GRIK2: variants seen among roughly 807,000 people sequenced by gnomAD.
The protein encoded by GRIK2 is glutamate ionotropic receptor kainate type subunit 2.
GRIK2 carries 32 observed loss-of-function variants against 100.3 expected under a neutral mutation model. The observed-to-expected ratio is 0.32, with a 90% CI of 0.24 to 0.43. GRIK2 has a LOEUF of 0.43. GRIK2 is among the 20% of genes least tolerant of loss of function. The probability of loss-of-function intolerance (pLI) is 1.00; values close to 1 mark genes in which losing one functional copy is unlikely to be tolerated. For missense variants in GRIK2, 843 were observed against 1,114.9 expected (o/e 0.76, Z 3.47); for synonymous variants, 417 against 389.4 (o/e 1.07, Z -0.83).
intron 15 of GRIK2, among the ~76,000 whole-genome samples, chr6:102,053,485 T>C (rs778218999): frequency 1.5e-4 from 23 of 152,200 alleles, no homozygotes; most frequent in Non-Finnish European, 2.8e-4. Flanking sequence ...TCAGTTATTA[T>C]GCTCCTCAGA....
In GRIK2 at chr6:101,429,325, G is replaced by T. The variant is rs949890459; in HGVS notation, c.115+29933G>T. ...TAGGACTAGGAGACATGATACCCTT[G>T]TTGCTCGTAATGTTTCATTAACACT... is the stretch of plus-strand genomic sequence containing the variant. On this transcript the variant is annotated intron_variant, in intron 2 of 16. Transcript: ENST00000369134. 3.3e-5 allele frequency among the ~76,000 whole-genome samples: 5 copies of T among 152,266 alleles called. No individual in the cohort carries two copies. The South Asian group carries it at 1.0e-3, about 32-fold the overall frequency.
intron 9 of GRIK2, among the ~76,000 whole-genome samples, chr6:101,803,919 T>G (rs948266728): frequency 6.6e-6 from 1 of 151,930 alleles, no homozygotes; most frequent in Non-Finnish European, 1.5e-5. Context: ...TGTGAGTTGT[T>G]CAGGTTGCTC....
At chr6:101,503,883 G>A (rs1391960186) in intron 2 of GRIK2, among the ~76,000 whole-genome samples, 1 of 152,104 alleles carries the variant, frequency 6.6e-6, no homozygotes. Context: ...GCAGCAGGAG[G>A]TTGTGGGAAG....
intron 2 of GRIK2, among the ~76,000 whole-genome samples, chr6:101,509,755 G>A (rs1774206565): frequency 6.6e-6 from 1 of 152,118 alleles, no homozygotes; most frequent in African/African-American, 2.4e-5. Context: ...AGCAACACAT[G>A]GATTCCAAAT....
chr6:101,415,446 C>T (rs937249354), intron 2 of GRIK2, among the ~76,000 whole-genome samples: 14 of 147,798 alleles, frequency 9.5e-5, no homozygotes, highest in African/African-American at 2.8e-4. Context: ...TCTCGGCTCA[C>T]TGCAAGCTCT....
At chr6:101,898,356 C>T (rs1214223736) in intron 12 of GRIK2, among the ~76,000 whole-genome samples, 2 of 151,680 alleles carry the variant, frequency 1.3e-5, no homozygotes, top group Non-Finnish European at 2.9e-5. Flanking sequence ...TTAACTTTAC[C>T]TTCTAGTTTT....
At chr6:101,903,194 A>C (rs763015215) in intron 12 of GRIK2, among the ~76,000 whole-genome samples, 5 of 151,852 alleles carry the variant, frequency 3.3e-5, no homozygotes, top group African/African-American at 4.8e-5. Flanking sequence ...TTTTGCTTAG[A>C]TCGCCCTAGC....
intron 10 of GRIK2, among the ~76,000 whole-genome samples, chr6:101,821,827 T>G (rs1302414034): frequency 6.6e-6 from 1 of 152,134 alleles, no homozygotes; most frequent in Admixed American, 6.5e-5. Flanking sequence ...ATGTTATGAT[T>G]ATTTTGCCCT....
chr6:101,570,638 A>G (rs2128298887), intron 2 of GRIK2, among the ~76,000 whole-genome samples: 1 of 152,282 alleles, frequency 6.6e-6, no homozygotes, highest in Admixed American at 6.6e-5. Context: ...GATCATCGAT[A>G]GAACCACTAA....
intron 12 of GRIK2, among the ~76,000 whole-genome samples, chr6:101,909,819 C>T (rs1271950589): frequency 2.7e-5 from 4 of 150,902 alleles, no homozygotes; most frequent in African/African-American, 7.3e-5. Flanking sequence ...TTCTCATTAA[C>T]CAGAATTCAT....
intron 7 of GRIK2, among the ~76,000 whole-genome samples, chr6:101,741,187 G>C (rs1410717299): frequency 1.3e-5 from 2 of 152,172 alleles, no homozygotes; most frequent in Admixed American, 1.3e-4. Context: ...CTGAGGTATG[G>C]CCTAAGTGTT....
intron 11 of GRIK2, among the ~76,000 whole-genome samples, chr6:101,880,208 C>G (rs1371751614): frequency 1.3e-5 from 2 of 152,050 alleles, no homozygotes; most frequent in Admixed American, 6.6e-5. Flanking sequence ...ATCAGACTAG[C>G]AGATTAAATA....
chr6:101,792,239 A>T (rs1245940782), intron 7 of GRIK2, among the ~76,000 whole-genome samples: 28 of 150,856 alleles, frequency 1.9e-4, no homozygotes, highest in Non-Finnish European at 1.0e-4. Flanking sequence ...TGTGAATTTG[A>T]TCCTGTCATT....
intron 2 of GRIK2, among the ~76,000 whole-genome samples, chr6:101,421,811 A>G (rs771830066): frequency 6.2e-4 from 95 of 152,304 alleles, no homozygotes; most frequent in Non-Finnish European, 1.0e-3. Flanking sequence ...AGAAACAACA[A>G]TAGGATTTTT....
chr6:101,867,161 G>C (rs1322639895), intron 11 of GRIK2, among the ~76,000 whole-genome samples: 1 of 151,810 alleles, frequency 6.6e-6, no homozygotes, highest in Non-Finnish European at 1.5e-5. Context: ...TTAAGTGAAA[G>C]CCTGAATTCC....
At chr6:101,524,086 G>A (rs557290634) in intron 2 of GRIK2, among the ~76,000 whole-genome samples, 97 of 152,232 alleles carry the variant, frequency 6.4e-4, no homozygotes, top group Non-Finnish European at 1.2e-3. Context: ...AGCTCTGTTT[G>A]ATAATGGTGT....
At chr6:102,021,737 A>C (rs1304171085) in intron 14 of GRIK2, among the ~76,000 whole-genome samples, 1 of 151,350 alleles carries the variant, frequency 6.6e-6, no homozygotes, top group African/African-American at 2.4e-5. Flanking sequence ...ATTCTCATAC[A>C]TTTTTAGTCA....
At chr6:101,794,028 A>T (rs999005934) in intron 7 of GRIK2, among the ~76,000 whole-genome samples, 4 of 152,132 alleles carry the variant, frequency 2.6e-5, no homozygotes, top group African/African-American at 9.7e-5. Flanking sequence ...TGCAGGATAT[A>T]ATCTCCTGGT....
At chr6:101,705,576 G>A (rs1331398252) in intron 7 of GRIK2, among the ~76,000 whole-genome samples, 1 of 151,688 alleles carries the variant, frequency 6.6e-6, no homozygotes, top group Non-Finnish European at 1.5e-5. Flanking sequence ...ATAGCTCTAT[G>A]GAAAATGTAC....
Sources: allele counts gnomAD v4.1 joint callset (sites outside exome capture counted in the v4.1 genomes callset), GRCh38; gene constraint gnomAD v4.1.1; transcripts MANE v1.5; gene names NCBI Gene and HGNC (gene_info 2026-07-23, HGNC 2026-07-21).